Variants in MPDZ observed in about 807,000 individuals in gnomAD.
The protein encoded by MPDZ is multiple PDZ domain protein.
MPDZ carries 234 observed loss-of-function variants against 239.1 expected under a neutral mutation model. The observed-to-expected ratio is 0.98, with a 90% confidence interval of 0.88 to 1.09. The LOEUF (loss-of-function observed/expected upper bound fraction) is 1.09. Ranked by LOEUF, MPDZ falls within the 50% of genes least tolerant of loss-of-function variation. The probability of loss-of-function intolerance (pLI) is 0.00; values close to 1 mark genes in which losing one functional copy is unlikely to be tolerated. For missense variants in MPDZ, 3,175 were observed against 2,510.0 expected, an observed-to-expected ratio of 1.26 and a Z score of -5.66; for synonymous variants, 1,048 against 881.3, an observed-to-expected ratio of 1.19 and a Z score of -3.35.
chr9:13,169,479 T>A lies in MPDZ; in HGVS notation c.3056-915A>T, dbSNP rs532377153. Among the ~76,000 whole-genome samples, 5 of 152,260 alleles carry A rather than the reference T, an allele frequency of 3.3e-5. No individual in the cohort carries two copies. The South Asian group carries it at 1.0e-3, about 32-fold the overall frequency. ...CCAACACCAAATCCTGTCATTTCTATCTTCAAAATTTATCTTGAATCCATT... is the reference window on the plus strand; with the variant it reads ...CCAACACCAAATCCTGTCATTTCTAACTTCAAAATTTATCTTGAATCCATT... On this transcript the variant is annotated intron_variant, in intron 21 of 46. Coordinates refer to ENST00000319217, the MANE Select transcript of MPDZ (RefSeq NM_001378778.1).
chr9:13,113,455 C>T (rs1942845920), intron 41 of MPDZ, among the ~76,000 whole-genome samples: 1 of 152,080 alleles, frequency 6.6e-6, no homozygotes, highest in Non-Finnish European at 1.5e-5. Flanking sequence ...ACAGAGATTG[C>T]CATATTGTTA....
At chr9:13,218,119 C>A (rs1460241269) in intron 8 of MPDZ, among the ~76,000 whole-genome samples, 1 of 151,714 alleles carries the variant, frequency 6.6e-6, no homozygotes, top group African/African-American at 2.4e-5. Flanking sequence ...CTGATGTTTT[C>A]TAATTTCTTT....
At position 13,250,377 on chromosome 9, in the gene MPDZ, G is replaced by A. The variant is rs79271045; in HGVS notation, c.-57-5C>T. The A allele has an allele frequency of 4.1e-5, 58 of 1,427,350 alleles. No individual in the cohort carries two copies. The African/African-American group carries it at 7.6e-4, about 19-fold the overall frequency. 88.4% of individuals were successfully genotyped at this position (1,427,350 alleles called of 1,614,324 possible). A position where few individuals can be genotyped will look rare whatever the true frequency, so the allele number is the denominator to read the frequency against. ...AACAGCAATTAAAATGGAACTCTGT[G>A]CAAAAAAGAAATAGAATGGTTATGT... On this transcript the variant is annotated splice_region_variant and splice_polypyrimidine_tract_variant and intron_variant, in intron 1 of 46. Coordinates refer to ENST00000319217, the MANE Select transcript of MPDZ (RefSeq NM_001378778.1).
At chr9:13,173,097 G>A (rs1951996757) in intron 21 of MPDZ, among the ~76,000 whole-genome samples, 2 of 152,208 alleles carry the variant, frequency 1.3e-5, no homozygotes, top group Non-Finnish European at 2.9e-5. Flanking sequence ...ATGAATGGTA[G>A]TTGACAGGGG....
At chr9:13,118,660 T>G (rs371072475) in intron 39 of MPDZ, among the ~76,000 whole-genome samples, 1 of 152,226 alleles carries the variant, frequency 6.6e-6, no homozygotes, top group East Asian at 1.9e-4. Context: ...ATTGCCTATT[T>G]ACAGGAATGC....
intron 12 of MPDZ, among the ~76,000 whole-genome samples, chr9:13,201,523 C>T (rs1956388995): frequency 6.6e-6 from 1 of 151,968 alleles, no homozygotes; most frequent in African/African-American, 2.4e-5. Flanking sequence ...GCCTTTTTCT[C>T]TCTGGTCTCC....
intron 22 of MPDZ, among the ~76,000 whole-genome samples, chr9:13,167,711 T>G (rs986372446): frequency 1.3e-5 from 2 of 152,122 alleles, no homozygotes; most frequent in African/African-American, 4.8e-5. Flanking sequence ...AATAAAGTAA[T>G]GAGCTGATTT....
chr9:13,231,438 G>T (rs1267857036), intron 3 of MPDZ, among the ~76,000 whole-genome samples: 3 of 151,962 alleles, frequency 2.0e-5, no homozygotes, highest in Non-Finnish European at 2.9e-5. Context: ...ATGGTTGTAC[G>T]CACCCATAAT....
At chr9:13,274,869 T>C (rs1390746375) in intron 1 of MPDZ, among the ~76,000 whole-genome samples, 4 of 152,246 alleles carry the variant, frequency 2.6e-5, no homozygotes, top group Admixed American at 6.5e-5. Flanking sequence ...AGCGCTTTAC[T>C]ATTTTTAAGA....
Position 13,128,231 on chromosome 9 carries a change from A to G in MPDZ, c.4465-1459T>C, listed in dbSNP as rs114273939. ...CTAGACTTAGTGACTTGATTCTAAC[A>G]AAGAGAATACAGCAGAAGTAATGGT... On this transcript the variant is annotated intron_variant, in intron 32 of 46. Transcript: ENST00000319217. Among the ~76,000 whole-genome samples, 232 of 152,332 alleles carry G rather than the reference A, an allele frequency of 1.5e-3. 2 individuals are homozygous for G. The highest frequency in any genetic ancestry group is 5.1e-3 in the African/African-American group (211 of 41,578).
chr9:13,222,277 G>A lies in MPDZ; in HGVS notation c.703C>T (p.Arg235Cys), dbSNP rs887434053. ...LPQLVSPIVS[R>C]SPSAASTISA... ...ATTGTGCTGGCTGCAGATGGAGAAC[G>A]GGAAACTATGGGGCTGACAAGCTGA... The change falls in exon 6 of 47, where the codon CGT becomes TGT. Residue 235 changes from arginine (R) to cysteine (C), a missense_variant. Physicochemically the swap from Arg to Cys is radical, Grantham distance 180 (BLOSUM62 -3). Transcript: ENST00000319217. 25 of 1,612,664 alleles carry A rather than the reference G, an allele frequency of 1.6e-5. No individual in the cohort carries two copies. In the African/African-American group the frequency reaches 2.4e-4, roughly 16 times the overall value.
rs1444109820 is a variant in MPDZ at position 13,136,320 on chromosome 9, G to GTTTTTTTTTTT, written c.4293-139_4293-138insAAAAAAAAAAA. 3.8e-3 allele frequency: 742 copies of GTTTTTTTTTTT among 194,494 alleles called. 81 individuals carry two copies. The highest frequency in any genetic ancestry group is 8.3e-3 in the African/African-American group (126 of 15,144). 12.0% of individuals were successfully genotyped at this position (194,494 alleles called of 1,614,324 possible). ...CTGTGACACTTACAAATTTACAAAC[G>GTTTTTTTTTTT]TTTTCTTTTTTTTTTTTTTTTTTTT... On this transcript the variant is annotated intron_variant, in intron 30 of 46. Transcript: ENST00000319217.
intron 1 of MPDZ, among the ~76,000 whole-genome samples, chr9:13,269,004 T>C (rs1329191106): frequency 6.6e-6 from 1 of 152,006 alleles, no homozygotes; most frequent in East Asian, 1.9e-4. Flanking sequence ...TACAACCAGA[T>C]GTTAGGTTGT....
intron 32 of MPDZ, among the ~76,000 whole-genome samples, chr9:13,131,187 C>T (rs1423975439): frequency 6.6e-6 from 1 of 152,064 alleles, no homozygotes; most frequent in Admixed American, 6.6e-5. Context: ...TTTTTACTCC[C>T]AGAGCCATGT....
At chr9:13,194,622 T>C (rs760215674) in intron 13 of MPDZ, among the ~76,000 whole-genome samples, 29 of 151,946 alleles carry the variant, frequency 1.9e-4, no homozygotes, top group Non-Finnish European at 3.1e-4. Context: ...AGATGATGGG[T>C]TGACAGGTGC....
Position 13,137,970 on chromosome 9 carries a change from T to C in MPDZ, c.4187A>G (p.Asp1396Gly), listed in dbSNP as rs1188617055. 3.7e-6 allele frequency: 6 copies of C among 1,613,790 alleles called. No individual in the cohort carries two copies. Among genetic ancestry groups the C allele is most frequent in the South Asian group, 2.2e-5 (2 of 91,066 alleles). Residue 1396 changes from aspartate (D) to glycine (G), a missense_variant, in exon 29 of 47, where the codon GAT (aspartate) becomes GGT (glycine). Coordinates refer to ENST00000319217, the MANE Select transcript of MPDZ (RefSeq NM_001378778.1). ...AGKDGRLQIA[D>G]ELLEINGQIL... ...ACAAAAACTTACCTCTAGAAGCTCA[T>C]CTGCAATTTGCAATCGACCATCTTT... is the stretch of plus-strand genomic sequence containing the variant.
chr9:13,160,711 TC>T (rs749221631), intron 23 of MPDZ, among the ~76,000 whole-genome samples: 18 of 150,864 alleles, frequency 1.2e-4, no homozygotes, highest in Admixed American at 1.3e-4. Context: ...ATCCCTCGTA[TC>T]CTTGGGTCCA....
intron 3 of MPDZ, among the ~76,000 whole-genome samples, chr9:13,232,344 G>A (rs1192775505): frequency 1.3e-5 from 2 of 152,002 alleles, no homozygotes; most frequent in African/African-American, 4.8e-5. Flanking sequence ...TTGTTTAATT[G>A]GAACACAACA....
chr9:13,168,531 C>A lies in MPDZ; in HGVS notation c.3089G>T (p.Gly1030Val), dbSNP rs747532807. ...ATGAATAATGCTTCGAACGATCATCCCCAAGCCATCTTTATTAGCACTAAC... is the reference window on the plus strand; with the variant it reads ...ATGAATAATGCTTCGAACGATCATCACCAAGCCATCTTTATTAGCACTAAC... ...MTVSANKDGL[G>V]MIVRSIIHGG... is the part of the protein sequence containing the mutation. Residue 1030 changes from glycine to valine, a missense_variant, in exon 22 of 47, where the codon GGG becomes GTG. By Grantham distance (109) the Gly-to-Val change is moderately radical (BLOSUM62 -3). Transcript: ENST00000319217. 1.2e-5 allele frequency: 19 copies of A among 1,611,090 alleles called. No individual in the cohort carries two copies. Among genetic ancestry groups the A allele is most frequent in the Non-Finnish European group, 1.5e-5 (18 of 1,178,926 alleles).
Sources: allele counts gnomAD v4.1 joint callset (sites outside exome capture counted in the v4.1 genomes callset), GRCh38; gene constraint gnomAD v4.1.1; transcripts MANE v1.5; gene names NCBI Gene and HGNC (gene_info 2026-07-23, HGNC 2026-07-21).